IMMP2L: variants seen among roughly 807,000 people sequenced by gnomAD.
The protein encoded by IMMP2L is mitochondrial inner membrane protease subunit 2.
Under a neutral mutation model 19.3 loss-of-function variants are expected in IMMP2L, and 18 were observed. The observed-to-expected ratio is 0.93, with a 90% confidence interval of 0.64 to 1.38. The LOEUF is 1.38. IMMP2L is among the 40% of genes most tolerant of loss of function. The pLI, the probability that IMMP2L is intolerant of heterozygous loss-of-function variation, is 0.00. For synonymous variants in IMMP2L, 76 were observed against 73.0 expected, an observed-to-expected ratio of 1.04 and a Z score of -0.21; for missense variants, 233 against 218.2, an observed-to-expected ratio of 1.07 and a Z score of -0.43.
At chr7:110,923,578 C>A (rs1814532282) in intron 4 of IMMP2L, among the ~76,000 whole-genome samples, 1 of 152,068 alleles carries the variant, frequency 6.6e-6, no homozygotes, top group Non-Finnish European at 1.5e-5. Context: ...AGGTTCTAAC[C>A]TTTTATTAGT....
chr7:111,138,339 CAT>C (rs1802544412), intron 3 of IMMP2L, among the ~76,000 whole-genome samples: 1 of 152,140 alleles, frequency 6.6e-6, no homozygotes, highest in Admixed American at 6.5e-5. Context: ...GGTGACAGCT[CAT>C]AAAGAAAATA....
At chr7:110,867,815 A>T (rs907689879) in intron 5 of IMMP2L, among the ~76,000 whole-genome samples, 4 of 151,992 alleles carry the variant, frequency 2.6e-5, no homozygotes, top group African/African-American at 9.7e-5. Flanking sequence ...AATAAGCATG[A>T]CTACACTCAA....
At chr7:110,902,480 AT>A (rs1222104907) in intron 4 of IMMP2L, among the ~76,000 whole-genome samples, 2 of 34,474 alleles carry the variant, frequency 5.8e-5, no homozygotes, top group African/African-American at 2.0e-4. Flanking sequence ...GAATGATAAA[AT>A]ATATATATAT....
At chr7:111,421,596 G>C (rs901681821) in intron 3 of IMMP2L, among the ~76,000 whole-genome samples, 7 of 151,632 alleles carry the variant, frequency 4.6e-5, no homozygotes, top group African/African-American at 9.7e-5. Context: ...ATTGGTTTGA[G>C]TACTTTGTAG....
chr7:110,970,673 T>C (rs915294932), intron 3 of IMMP2L, among the ~76,000 whole-genome samples: 1 of 152,102 alleles, frequency 6.6e-6, no homozygotes, highest in Non-Finnish European at 1.5e-5. Context: ...CAGACCTTCA[T>C]ATAGAAGCAC....
rs532122160 is a variant in IMMP2L at position 111,377,222 on chromosome 7, T to C, written c.239+110016A>G. Among the ~76,000 whole-genome samples the C allele has an allele frequency of 3.9e-5, 6 of 152,122 alleles. No homozygotes were observed. In the East Asian group the frequency reaches 9.7e-4, roughly 24 times the overall value. ...CTTAGTCATTCTTCTATAATGTTACTCTTTCCTTTCCATTTCATATGTAAA... is the reference window on the plus strand; with the variant it reads ...CTTAGTCATTCTTCTATAATGTTACCCTTTCCTTTCCATTTCATATGTAAA... On this transcript the variant is annotated intron_variant, in intron 3 of 5. Transcript: ENST00000405709.
chr7:110,754,080 T>G (rs1016490265), intron 5 of IMMP2L, among the ~76,000 whole-genome samples: 9 of 152,012 alleles, frequency 5.9e-5, no homozygotes, highest in Non-Finnish European at 1.0e-4. Context: ...TTTCCTGTCC[T>G]CTTTTCAAGA....
chr7:110,934,510 T>C (rs564501325), intron 4 of IMMP2L, among the ~76,000 whole-genome samples: 1 of 152,336 alleles, frequency 6.6e-6, no homozygotes, highest in Admixed American at 6.5e-5. Context: ...AGGCTGGATC[T>C]GATCCCAGAG....
chr7:111,489,129 C>T (rs1316751964), intron 2 of IMMP2L, among the ~76,000 whole-genome samples: 2 of 150,254 alleles, frequency 1.3e-5, no homozygotes, highest in Non-Finnish European at 3.0e-5. Flanking sequence ...CTGCAATCTC[C>T]GCCTCCCGGG....
At position 111,217,480 on chromosome 7, in the gene IMMP2L, G is replaced by A. The variant is rs113528432; in HGVS notation, c.240-253915C>T. On this transcript the variant is annotated intron_variant, in intron 3 of 5. Transcript: ENST00000405709. Reference sequence around the variant, plus strand: ...GCCCACTCATGGAGCTTGGATTAGGGTCAGCTTCTCCTGAAGCATTTAGCC... The same window carrying A: ...GCCCACTCATGGAGCTTGGATTAGGATCAGCTTCTCCTGAAGCATTTAGCC... 2.7e-3 allele frequency among the ~76,000 whole-genome samples: 405 copies of A among 152,176 alleles called. 2 individuals carry two copies. Among genetic ancestry groups the A allele is most frequent in the African/African-American group, 9.3e-3 (385 of 41,522 alleles).
In IMMP2L at chr7:110,984,247, T is replaced by C. The variant is rs1281306674; in HGVS notation, c.240-20682A>G. 6.6e-5 allele frequency among the ~76,000 whole-genome samples: 10 copies of C among 151,958 alleles called. No homozygotes were observed. The East Asian group carries it at 1.9e-3, about 29-fold the overall frequency. ...TCAGATATCAGATTAATTTTAAATA[T>C]TCACTGTTTGCTTAAGCTAGTTGAG... On this transcript the variant is annotated intron_variant, in intron 3 of 5. Coordinates refer to ENST00000405709, the MANE Select transcript of IMMP2L (RefSeq NM_032549.4).
chr7:111,013,094 G>C (rs1825136941), intron 3 of IMMP2L, among the ~76,000 whole-genome samples: 1 of 152,046 alleles, frequency 6.6e-6, no homozygotes, highest in Admixed American at 6.6e-5. Context: ...CAAACAAGGA[G>C]AGAGGGCCTT....
intron 3 of IMMP2L, among the ~76,000 whole-genome samples, chr7:111,294,990 C>T (rs1418994259): frequency 2.0e-5 from 3 of 151,882 alleles, no homozygotes. Context: ...CTGGCTTATA[C>T]TGCAGCCCTT....
Position 110,663,739 on chromosome 7 carries a change from A to G in IMMP2L, c.409-18T>C. The stretch of plus-strand genomic sequence containing the variant: ...AGGGAAACCTTAATTCATGAGAAAC[A>G]GAAAGAAAGCAATAAAGAGATCATT... On this transcript the variant is annotated intron_variant, in intron 5 of 5. Transcript: ENST00000405709. 1 of 1,531,170 alleles carries G rather than the reference A, an allele frequency of 6.5e-7. No individual in the cohort carries two copies. The highest frequency in any genetic ancestry group is 8.8e-7 in the Non-Finnish European group (1 of 1,135,248). 94.8% of individuals were successfully genotyped at this position (1,531,170 alleles called of 1,614,324 possible).
chr7:111,512,815 A>T (rs1449335336), intron 2 of IMMP2L, among the ~76,000 whole-genome samples: 4 of 152,128 alleles, frequency 2.6e-5, no homozygotes, highest in African/African-American at 9.6e-5. Context: ...ATGAAAAATC[A>T]ATTTTCAACA....
chr7:111,291,603 G>A (rs994028521), intron 3 of IMMP2L, among the ~76,000 whole-genome samples: 1 of 151,998 alleles, frequency 6.6e-6, no homozygotes, highest in Admixed American at 6.6e-5. Context: ...GGTTATCAGG[G>A]GCCACAGGAA....
chr7:110,945,760 A>G lies in IMMP2L; in HGVS notation c.305+17740T>C, dbSNP rs1028141458. Among the ~76,000 whole-genome samples the G allele has an allele frequency of 3.3e-5, 5 of 150,680 alleles. No homozygotes were observed. The Admixed American group carries it at 3.6e-4, about 11-fold the overall frequency. On this transcript the variant is annotated intron_variant, in intron 4 of 5. Coordinates refer to ENST00000405709, the MANE Select transcript of IMMP2L (RefSeq NM_032549.4). ...GAGATTGAGAAAAAAGTGGAAATGAACTCCTAAAGAAACAATTAGGGTGGA... is the reference window on the plus strand; with the variant it reads ...GAGATTGAGAAAAAAGTGGAAATGAGCTCCTAAAGAAACAATTAGGGTGGA...
At chr7:110,756,523 A>G (rs1384132739) in intron 5 of IMMP2L, among the ~76,000 whole-genome samples, 1 of 152,084 alleles carries the variant, frequency 6.6e-6, no homozygotes, top group African/African-American at 2.4e-5. Flanking sequence ...CCATGGCTAG[A>G]GTATACTGCA....
At chr7:110,950,929 T>A (rs1817772475) in intron 4 of IMMP2L, among the ~76,000 whole-genome samples, 2 of 147,604 alleles carry the variant, frequency 1.4e-5, no homozygotes, top group Non-Finnish European at 3.0e-5. Flanking sequence ...TATATGAACT[T>A]CAAATATTTT....
Sources: allele counts gnomAD v4.1 joint callset (sites outside exome capture counted in the v4.1 genomes callset), GRCh38; gene constraint gnomAD v4.1.1; transcripts MANE v1.5; gene names NCBI Gene and HGNC (gene_info 2026-07-23, HGNC 2026-07-21).